Variants in GLI2 observed in about 807,000 individuals in gnomAD.
The protein encoded by GLI2 is transcription activator GLI2.
In GLI2, 22 loss-of-function variants were observed where a neutral mutation model predicts 78.9. The ratio of observed to expected loss-of-function variants is 0.28; its 90% CI spans 0.20 to 0.40. GLI2 has a LOEUF of 0.40. Ranked by LOEUF, GLI2 falls within the 10% of genes least tolerant of loss-of-function variation. GLI2 has a pLI of 1.00. For missense variants in GLI2, 2,097 were observed against 2,213.2 expected (o/e 0.95, Z 1.05); for synonymous variants, 974 against 963.7 (o/e 1.01, Z -0.20).
chr2:120,896,904 C>T (rs966152439), intron 2 of GLI2, among the ~76,000 whole-genome samples: 3 of 151,756 alleles, frequency 2.0e-5, no homozygotes, highest in Admixed American at 6.6e-5. Context: ...CAGGGCTGAA[C>T]AAAAAGTGGC....
intron 1 of GLI2, among the ~76,000 whole-genome samples, chr2:120,788,154 C>T (rs749251512): frequency 3.9e-5 from 6 of 152,192 alleles, no homozygotes; most frequent in Non-Finnish European, 5.9e-5. Context: ...TGATTCTTGT[C>T]GACAGTTCCT....
chr2:120,979,194 C>T (rs189467384), intron 10 of GLI2, among the ~76,000 whole-genome samples: 8 of 152,240 alleles, frequency 5.3e-5, no homozygotes, highest in Admixed American at 4.6e-4. Context: ...CTCTTGAACT[C>T]CTGGGCTCAA....
chr2:120,822,902 C>T (rs190720395), intron 2 of GLI2, among the ~76,000 whole-genome samples: 184 of 152,334 alleles, frequency 1.2e-3, no homozygotes, highest in Non-Finnish European at 2.2e-3. Context: ...CTGCCCCTTA[C>T]CCTAGCTCTT....
At chr2:120,878,206 T>C (rs1321669252) in intron 2 of GLI2, among the ~76,000 whole-genome samples, 1 of 152,226 alleles carries the variant, frequency 6.6e-6, no homozygotes, top group Non-Finnish European at 1.5e-5. Context: ...GCCACAGATA[T>C]TCATTATGTG....
chr2:120,864,583 TGCCTCA>T (rs1255684984), intron 2 of GLI2, among the ~76,000 whole-genome samples: 1 of 152,170 alleles, frequency 6.6e-6, no homozygotes, highest in African/African-American at 2.4e-5. Context: ...ACCATTCTCC[TGCCTCA>T]GCCTCCCAAG....
chr2:120,815,803 G>A (rs899476285), intron 2 of GLI2, among the ~76,000 whole-genome samples: 6 of 152,306 alleles, frequency 3.9e-5, no homozygotes, highest in African/African-American at 7.2e-5. Context: ...ACAAAGCCAC[G>A]GTCTCTGCCT....
intron 10 of GLI2, among the ~76,000 whole-genome samples, chr2:120,981,446 A>G (rs1399245103): frequency 6.6e-6 from 1 of 152,244 alleles, no homozygotes; most frequent in Non-Finnish European, 1.5e-5. Flanking sequence ...AAATTGGGGC[A>G]TATGAGTTCT....
chr2:120,749,871 TATA>T (rs1682812138), intron 1 of GLI2, among the ~76,000 whole-genome samples: 1 of 152,188 alleles, frequency 6.6e-6, no homozygotes, highest in Non-Finnish European at 1.5e-5. Flanking sequence ...CACCACTAGG[TATA>T]GGACATGTGT....
intron 3 of GLI2, among the ~76,000 whole-genome samples, chr2:120,945,839 A>G (rs558304443): frequency 1.3e-5 from 2 of 152,214 alleles, no homozygotes; most frequent in African/African-American, 4.8e-5. Context: ...GAATACATTG[A>G]TCACCTGGGC....
At chr2:120,903,966 T>C (rs1052915583) in intron 2 of GLI2, among the ~76,000 whole-genome samples, 38 of 151,924 alleles carry the variant, frequency 2.5e-4, no homozygotes, top group African/African-American at 9.2e-4. Flanking sequence ...GAAGGGGAGA[T>C]TGGGGAGGGG....
intron 5 of GLI2, 41 bp from the exon 6 acceptor site, chr2:120,968,673 C>A: frequency 2.3e-5 from 30 of 1,329,014 alleles, no homozygotes; most frequent in Non-Finnish European, 2.9e-5. Flanking sequence ...CCTCCCCCAT[C>A]CCCAGTGATG....
chr2:120,912,678 G>A (rs184927033), intron 2 of GLI2, among the ~76,000 whole-genome samples: 10 of 152,182 alleles, frequency 6.6e-5, no homozygotes, highest in East Asian at 1.9e-4. Context: ...GTTTCTCCAC[G>A]GTCCTGCCGC....
At chr2:120,965,580 C>T (rs995796631) in intron 5 of GLI2, among the ~76,000 whole-genome samples, 2 of 144,486 alleles carry the variant, frequency 1.4e-5, no homozygotes, top group Non-Finnish European at 3.0e-5. Flanking sequence ...CAGAGGGGCA[C>T]GCTCCAGCCG....
intron 2 of GLI2, among the ~76,000 whole-genome samples, chr2:120,823,567 T>G (rs113444938): frequency 0.016 from 2,390 of 152,284 alleles, 68 homozygotes; most frequent in African/African-American, 0.052. Flanking sequence ...TCTTATAGCA[T>G]TTTTGCTGTG....
At chr2:120,765,163 G>A (rs1202395437) in intron 1 of GLI2, among the ~76,000 whole-genome samples, 1 of 152,102 alleles carries the variant, frequency 6.6e-6, no homozygotes, top group African/African-American at 2.4e-5. Context: ...TGGTCCCACT[G>A]TCTCTCTAGA....
intron 2 of GLI2, among the ~76,000 whole-genome samples, chr2:120,803,931 G>A (rs1290816961): frequency 6.6e-6 from 1 of 152,128 alleles, no homozygotes; most frequent in Admixed American, 6.5e-5. Flanking sequence ...GTACTGGCGG[G>A]GCTGTGACCA....
At chr2:120,974,702 G>C (rs1283877293) in intron 8 of GLI2, among the ~76,000 whole-genome samples, 1 of 152,256 alleles carries the variant, frequency 6.6e-6, no homozygotes, top group East Asian at 1.9e-4. Flanking sequence ...GAAGGAGGAA[G>C]GGCCCCAGGA....
At position 120,988,714 on chromosome 2, in the gene GLI2, C is replaced by A; in HGVS notation, c.2749C>A (p.Pro917Thr). The stretch of plus-strand genomic sequence containing the variant: ...CACGCTGCCCGCCGGCTGCCCACGC[C>A]CACTGGGGCCGCGGCGTGGCAGCGA... ...ERTLPAGCPRPLGPRRGSDGP... is the reference protein window; with the variant it reads ...ERTLPAGCPRTLGPRRGSDGP... The change falls in exon 14 of 14, where the codon CCA (proline) becomes ACA (threonine). Residue 917 changes from proline (P) to threonine (T), a missense_variant. Transcript: ENST00000361492. 8.3e-7 allele frequency: 1 copy of A among 1,211,912 alleles called. No homozygotes were observed. The highest frequency in any genetic ancestry group is 2.4e-5 in the South Asian group (1 of 42,402). The allele number at this position is 1,211,912 out of a possible 1,614,324, so 75.1% of individuals were successfully genotyped here.
chr2:120,985,378 T>C (rs998982250), intron 12 of GLI2, among the ~76,000 whole-genome samples: 1 of 152,132 alleles, frequency 6.6e-6, no homozygotes, highest in African/African-American at 2.4e-5. Context: ...CCATTGGCCT[T>C]GGCAGCCGGA....
Sources: allele counts gnomAD v4.1 joint callset (sites outside exome capture counted in the v4.1 genomes callset), GRCh38; gene constraint gnomAD v4.1.1; transcripts MANE v1.5; gene names NCBI Gene and HGNC (gene_info 2026-07-23, HGNC 2026-07-21).